Variants in ANKMY2 observed in about 807,000 individuals in gnomAD.
ANKMY2 encodes the protein ankyrin repeat and MYND domain-containing protein 2.
In ANKMY2, 36 loss-of-function variants were observed where a neutral mutation model predicts 50.4. The ratio of observed to expected loss-of-function variants is 0.71; its 90% CI spans 0.55 to 0.94. ANKMY2 has a LOEUF of 0.94. ANKMY2 is among the 40% of genes least tolerant of loss of function. The pLI is 0.00. For missense variants in ANKMY2, 565 were observed against 524.0 expected (o/e 1.08, Z -0.76); for synonymous variants, 187 against 178.8 (o/e 1.05, Z -0.36).
At chr7:16,601,642 T>C (rs1402270704) in intron 9 of ANKMY2, among the ~76,000 whole-genome samples, 7 of 152,236 alleles carry the variant, frequency 4.6e-5, no homozygotes, top group Admixed American at 2.6e-4. Context: ...AAAGCGGATA[T>C]GGTTCCTTGA....
chr7:16,643,160 A>C (rs903995758), intron 1 of ANKMY2, among the ~76,000 whole-genome samples: 3 of 152,196 alleles, frequency 2.0e-5, no homozygotes, highest in African/African-American at 4.8e-5. Context: ...CACACAGAGG[A>C]CTTGAGGCTC....
intron 2 of ANKMY2, among the ~76,000 whole-genome samples, chr7:16,630,131 C>G (rs1293106201): frequency 6.6e-6 from 1 of 151,990 alleles, no homozygotes; most frequent in Admixed American, 6.6e-5. Flanking sequence ...TAGTATCAGA[C>G]AGAATACTAA....
chr7:16,628,095 A>G (rs1156625590), intron 2 of ANKMY2, among the ~76,000 whole-genome samples: 1 of 152,200 alleles, frequency 6.6e-6, no homozygotes, highest in African/African-American at 2.4e-5. Flanking sequence ...AGGCACTACT[A>G]TTATTTGGTA....
intron 3 of ANKMY2, 72 bp from the exon 4 acceptor site, chr7:16,625,153 C>T (rs560082241): frequency 2.6e-6 from 3 of 1,167,930 alleles, no homozygotes; most frequent in East Asian, 2.4e-5. Flanking sequence ...TCTAAACTCT[C>T]TATACCCTTT....
In ANKMY2 at chr7:16,610,779, G is replaced by C; in HGVS notation, c.532-16C>G. ...GCATCACGATCTAGAGGAAATCCCA[G>C]TGTACTCAGGTATTAAAGGAGACAC... On this transcript the variant is annotated splice_polypyrimidine_tract_variant and intron_variant, in intron 5 of 9. Transcript: ENST00000306999. The C allele has an allele frequency of 6.2e-7, 1 of 1,608,194 alleles. No individual in the cohort carries two copies. Among genetic ancestry groups the C allele is most frequent in the Non-Finnish European group, 8.5e-7 (1 of 1,176,192 alleles).
intron 7 of ANKMY2, among the ~76,000 whole-genome samples, chr7:16,608,206 C>T (rs1020083478): frequency 6.6e-6 from 1 of 152,180 alleles, no homozygotes; most frequent in Non-Finnish European, 1.5e-5. Flanking sequence ...CATAAACCCT[C>T]ATCTATTTAA....
chr7:16,622,567 T>C (rs111834375), intron 4 of ANKMY2, among the ~76,000 whole-genome samples: 6,533 of 151,832 alleles, frequency 0.043, 496 homozygotes, highest in African/African-American at 0.15. Context: ...TGAAACCCCA[T>C]CTCTACTAAA....
At chr7:16,644,767 C>T (rs565352872) in intron 1 of ANKMY2, 1 of 469,258 alleles carries the variant, frequency 2.1e-6, no homozygotes, top group African/African-American at 2.0e-5. Flanking sequence ...CTGGCTCGTC[C>T]TCGGGGCTCC....
intron 5 of ANKMY2, among the ~76,000 whole-genome samples, chr7:16,612,834 T>C (rs1255981437): frequency 6.6e-6 from 1 of 152,220 alleles, no homozygotes; most frequent in African/African-American, 2.4e-5. Context: ...TGAAGTAATA[T>C]ATTATAAAGG....
At position 16,602,516 on chromosome 7, in the gene ANKMY2, G is replaced by T; in HGVS notation, c.1012-7C>A. On this transcript the variant is annotated splice_polypyrimidine_tract_variant and splice_region_variant and intron_variant, in intron 8 of 9. Transcript: ENST00000306999. ...TTTGATCACAATATATTACCTGAAA[G>T]CAATTGTTGGTTTATTTTCATTTCC... 1 of 1,606,778 alleles carries T rather than the reference G, an allele frequency of 6.2e-7. No individual in the cohort carries two copies. The highest frequency in any genetic ancestry group is 8.5e-7 in the Non-Finnish European group (1 of 1,177,956).
intron 1 of ANKMY2, among the ~76,000 whole-genome samples, chr7:16,636,910 G>A (rs1463105088): frequency 6.6e-6 from 1 of 152,174 alleles, no homozygotes; most frequent in Non-Finnish European, 1.5e-5. Context: ...ATTTATAATA[G>A]AGTGCTTGGT....
At chr7:16,640,664 G>A (rs1781731718) in intron 1 of ANKMY2, among the ~76,000 whole-genome samples, 2 of 152,032 alleles carry the variant, frequency 1.3e-5, no homozygotes, top group African/African-American at 4.8e-5. Flanking sequence ...TAGGACTACA[G>A]GTGCACGCCA....
chr7:16,601,855 A>T (rs946065413), intron 9 of ANKMY2, among the ~76,000 whole-genome samples: 2 of 152,116 alleles, frequency 1.3e-5, no homozygotes, highest in Non-Finnish European at 2.9e-5. Flanking sequence ...GGGATGGAGA[A>T]AAAAAAATAC....
chr7:16,601,000 T>C (rs1229910507), intron 9 of ANKMY2, 55 bp from the exon 10 acceptor site: 9 of 1,382,604 alleles, frequency 6.5e-6, no homozygotes, highest in Non-Finnish European at 8.8e-6. Context: ...GACACTCTTC[T>C]CAATGCTTTA....
At chr7:16,611,533 A>G (rs918919578) in intron 5 of ANKMY2, among the ~76,000 whole-genome samples, 4 of 152,228 alleles carry the variant, frequency 2.6e-5, no homozygotes, top group Non-Finnish European at 5.9e-5. Flanking sequence ...GTAAATATCC[A>G]TGGTGGCATA....
Position 16,610,672 on chromosome 7 carries a change from C to G in ANKMY2, c.623G>C (p.Cys208Ser), listed in dbSNP as rs771631981. 6.2e-7 allele frequency: 1 copy of G among 1,613,994 alleles called. No homozygotes were observed. The highest frequency in any genetic ancestry group is 1.1e-5 in the South Asian group (1 of 91,076). The change falls in exon 6 of 10, where the codon TGT (cysteine) becomes TCT (serine). Residue 208 changes from cysteine (C) to serine (S), a missense_variant. By Grantham distance (112) the Cys-to-Ser change is moderately radical (BLOSUM62 -1). Transcript: ENST00000306999. ...YRVMDLICEKCMKQRDMNEVL... is the reference protein window; with the variant it reads ...YRVMDLICEKSMKQRDMNEVL... ...TTCATTCATGTCTCTTTGCTTCATA[C>G]ATTTCTCACAAATCAAATCCATCAC...
At chr7:16,606,355 G>A (rs1313487602) in intron 7 of ANKMY2, among the ~76,000 whole-genome samples, 1 of 152,032 alleles carries the variant, frequency 6.6e-6, no homozygotes, top group Admixed American at 6.6e-5. Flanking sequence ...CCTGAGTCCG[G>A]GAGGCAGAGG....
intron 1 of ANKMY2, 84 bp from the exon 2 acceptor site, chr7:16,636,539 G>C (rs76641055): frequency 0.041 from 42,749 of 1,054,780 alleles, 2,706 homozygotes; most frequent in African/African-American, 0.24. Context: ...TAAACCTTAA[G>C]GAGTTATCTG....
In ANKMY2 at chr7:16,636,457, TAAA is replaced by T. The variant is rs34755603; in HGVS notation, c.68-5_68-3del. The T allele has an allele frequency of 2.1e-4, 294 of 1,393,588 alleles. No homozygotes were observed. The highest frequency in any genetic ancestry group is 5.9e-4 in the South Asian group (43 of 73,310). 86.3% of individuals were successfully genotyped at this position (1,393,588 alleles called of 1,614,324 possible). A position where few individuals can be genotyped will look rare whatever the true frequency, so the allele number is the denominator to read the frequency against. On this transcript the variant is annotated splice_region_variant and splice_polypyrimidine_tract_variant and intron_variant, in intron 1 of 9. Coordinates refer to ENST00000306999, the MANE Select transcript of ANKMY2 (RefSeq NM_020319.3). ...ATGTTCCAGCTTCTTGGACAGTACC[TAAA>T]AAAAAAAAAAAGATGAAAAGTAAGG...
Sources: allele counts gnomAD v4.1 joint callset (sites outside exome capture counted in the v4.1 genomes callset), GRCh38; gene constraint gnomAD v4.1.1; transcripts MANE v1.5; gene names NCBI Gene and HGNC (gene_info 2026-07-23, HGNC 2026-07-21).